Variants in DIAPH2 observed in about 807,000 individuals in gnomAD.
The protein encoded by DIAPH2 is diaphanous related formin 2, also known as protein diaphanous homolog 2.
In DIAPH2, 35 loss-of-function variants were observed where a neutral mutation model predicts 92.7. The observed-to-expected ratio is 0.38, with a 90% CI of 0.29 to 0.50. DIAPH2 has a LOEUF of 0.50. DIAPH2 is among the 20% of genes least tolerant of loss of function. The probability of loss-of-function intolerance (pLI) is 0.94; values close to 1 mark genes in which losing one functional copy is unlikely to be tolerated. For missense variants in DIAPH2, 701 were observed against 819.5 expected (o/e 0.86, Z 1.77); for synonymous variants, 301 against 280.4 (o/e 1.07, Z -0.73).
At chrX:97,537,649 TG>T (rs1296217440) in intron 26 of DIAPH2, among the ~76,000 whole-genome samples, 1 of 111,336 alleles carries the variant, frequency 9.0e-6, no homozygotes, top group Non-Finnish European at 1.9e-5. Flanking sequence ...TTCCATCTTC[TG>T]TGCTCACTCT....
chrX:96,888,628 C>A (rs1317537695), intron 5 of DIAPH2, among the ~76,000 whole-genome samples: 3 of 96,866 alleles, frequency 3.1e-5, no homozygotes, highest in African/African-American at 1.2e-4. Flanking sequence ...TATATATACA[C>A]AGATATATAT....
At chrX:96,773,252 C>A in intron 4 of DIAPH2, among the ~76,000 whole-genome samples, 1 of 93,843 alleles carries the variant, frequency 1.1e-5, no homozygotes, top group Admixed American at 1.2e-4. Context: ...CCCCCTCCCG[C>A]CCTCCCCAAA....
intron 25 of DIAPH2, among the ~76,000 whole-genome samples, chrX:97,407,195 T>C (rs1445435076): frequency 8.9e-6 from 1 of 111,869 alleles, no homozygotes; most frequent in Non-Finnish European, 1.9e-5. Flanking sequence ...GAAAGTATAA[T>C]GTAGAAGTAG....
chrX:96,780,845 A>C (rs2064412445), intron 4 of DIAPH2, among the ~76,000 whole-genome samples: 1 of 82,475 alleles, frequency 1.2e-5, no homozygotes. Flanking sequence ...CTCGCTTTGC[A>C]CCCCCAGGCT....
intron 4 of DIAPH2, among the ~76,000 whole-genome samples, chrX:96,778,206 G>C (rs909921586): frequency 9.1e-6 from 1 of 109,332 alleles, no homozygotes; most frequent in East Asian, 2.9e-4. Context: ...TACAAAGGAC[G>C]TGAACTCATC....
At chrX:97,275,321 G>GC (rs2068433323) in intron 23 of DIAPH2, among the ~76,000 whole-genome samples, 2 of 1,485 alleles carry the variant, frequency 1.3e-3, no homozygotes, top group African/African-American at 3.2e-3. Flanking sequence ...GGCGGGGGCT[G>GC]TCCCCCCGCC....
chrX:96,897,974 T>C (rs1354892402), intron 5 of DIAPH2, among the ~76,000 whole-genome samples: 3 of 84,752 alleles, frequency 3.5e-5, no homozygotes, highest in African/African-American at 1.3e-4. Flanking sequence ...GAATATGCAG[T>C]GTTTGGTTTT....
At chrX:96,745,037 G>A (rs193191896) in intron 3 of DIAPH2, among the ~76,000 whole-genome samples, 1 of 94,725 alleles carries the variant, frequency 1.1e-5, no homozygotes, top group Non-Finnish European at 2.1e-5. Context: ...ATGGAGTTTT[G>A]CTCTTGTTGC....
At chrX:97,112,404 T>C (rs191091665) in intron 20 of DIAPH2, among the ~76,000 whole-genome samples, 1 of 111,099 alleles carries the variant, frequency 9.0e-6, no homozygotes, top group African/African-American at 3.3e-5. Context: ...GCTTCAGTGC[T>C]AGTGATGGCC....
chrX:97,174,064 AATT>A (rs1182725475), intron 22 of DIAPH2, among the ~76,000 whole-genome samples: 1 of 81,562 alleles, frequency 1.2e-5, no homozygotes, highest in Admixed American at 1.4e-4. Context: ...AATATATAAT[AATT>A]ATATTATATA....
intron 22 of DIAPH2, among the ~76,000 whole-genome samples, chrX:97,218,730 C>T (rs1033376932): frequency 3.6e-5 from 4 of 111,739 alleles, no homozygotes; most frequent in African/African-American, 1.3e-4. Flanking sequence ...TATTTGCATA[C>T]AATCTAAGCA....
chrX:97,092,212 A>G (rs1380607132), intron 19 of DIAPH2, among the ~76,000 whole-genome samples: 1 of 112,266 alleles, frequency 8.9e-6, no homozygotes, highest in Admixed American at 9.4e-5. Flanking sequence ...ACTTTTTAAA[A>G]ATGTCTTGCC....
rs1395775702 is a variant in DIAPH2 at position 96,981,176 on chromosome X, A to G, written c.2050+15969A>G. ...ATGACAGAGTGAACCCTATCTCGGG[A>G]AAAAAAAAAATTGTATACATAATCA... On this transcript the variant is annotated intron_variant, in intron 17 of 26. Coordinates refer to ENST00000324765, the MANE Select transcript of DIAPH2 (RefSeq NM_006729.5). Among the ~76,000 whole-genome samples, 5 of 106,596 alleles carry G rather than the reference A, an allele frequency of 4.7e-5. No individual in the cohort carries two copies. In the South Asian group the frequency reaches 1.6e-3, roughly 35 times the overall value. The allele number at this position is 106,596 out of a possible 115,157, so 92.6% of individuals were successfully genotyped here.
intron 10 of DIAPH2, among the ~76,000 whole-genome samples, chrX:96,931,622 C>T (rs2065619898): frequency 9.1e-6 from 1 of 109,530 alleles, no homozygotes; most frequent in African/African-American, 3.3e-5. Context: ...AAAACAACAA[C>T]AACAAATGTC....
chrX:97,144,287 G>A (rs1207018388), intron 22 of DIAPH2, among the ~76,000 whole-genome samples: 1 of 111,348 alleles, frequency 9.0e-6, no homozygotes, highest in Non-Finnish European at 1.9e-5. Context: ...TCACACCATT[G>A]CACTCTAGCC....
chrX:96,888,590 T>TCTATATATAC (rs1556283016), intron 5 of DIAPH2, among the ~76,000 whole-genome samples: 1 of 98,515 alleles, frequency 1.0e-5, no homozygotes, highest in Non-Finnish European at 2.0e-5. Context: ...TCTATATATA[T>TCTATATATAC]ACAGATATAT....
At chrX:97,121,553 TAC>T (rs1433085265) in intron 21 of DIAPH2, among the ~76,000 whole-genome samples, 2 of 112,421 alleles carry the variant, frequency 1.8e-5, no homozygotes. Context: ...TTGTTATTAA[TAC>T]TCAGCATGTG....
intron 11 of DIAPH2, among the ~76,000 whole-genome samples, chrX:96,938,329 A>G (rs184784902): frequency 9.1e-4 from 102 of 111,933 alleles, no homozygotes; most frequent in African/African-American, 3.1e-3. Flanking sequence ...TTTATTCATC[A>G]TTAGTGGTGC....
At chrX:97,313,034 A>T (rs949827195) in intron 23 of DIAPH2, among the ~76,000 whole-genome samples, 1 of 109,813 alleles carries the variant, frequency 9.1e-6, no homozygotes, top group African/African-American at 3.3e-5. Context: ...AGAAAAAAAA[A>T]TTTAGCCGGG....
Sources: gnomAD v4.1 joint callset for allele counts (sites outside exome capture counted in the v4.1 genomes callset) on GRCh38, gnomAD v4.1.1 for gene constraint, MANE v1.5 for transcripts, NCBI Gene and HGNC (gene_info 2026-07-23, HGNC 2026-07-21) for gene names.